Variants in TMTC2 observed in about 807,000 individuals in gnomAD.
TMTC2 encodes the protein transmembrane O-mannosyltransferase targeting cadherins 2, also known as protein O-mannosyl-transferase TMTC2.
In TMTC2, 43 loss-of-function variants were observed where a neutral mutation model predicts 82.4. The observed-to-expected ratio is 0.52, with a 90% CI of 0.41 to 0.67. The LOEUF (loss-of-function observed/expected upper bound fraction) is 0.67. Among genes scored for constraint, TMTC2 ranks in the 30% least tolerant of loss-of-function variants. TMTC2 has a pLI of 0.00. For missense variants in TMTC2, 919 were observed against 1,012.4 expected (o/e 0.91, Z 1.25); for synonymous variants, 408 against 381.9 (o/e 1.07, Z -0.80).
chr12:83,036,810 C>A (rs1881681530), intron 9 of TMTC2, among the ~76,000 whole-genome samples: 1 of 152,076 alleles, frequency 6.6e-6, no homozygotes, highest in Non-Finnish European at 1.5e-5. Context: ...AGGGCATTGC[C>A]TTTGCTTCTG....
intron 7 of TMTC2, among the ~76,000 whole-genome samples, chr12:82,972,518 C>T (rs375344797): frequency 3.0e-4 from 46 of 151,654 alleles, no homozygotes; most frequent in Non-Finnish European, 5.3e-4. Context: ...TCACAGAGAA[C>T]GAGGGAGAAA....
At chr12:83,080,269 G>C (rs1414052185) in intron 11 of TMTC2, among the ~76,000 whole-genome samples, 1 of 152,072 alleles carries the variant, frequency 6.6e-6, no homozygotes, top group African/African-American at 2.4e-5. Flanking sequence ...TTTTTACACA[G>C]TGATATATAA....
intron 9 of TMTC2, among the ~76,000 whole-genome samples, chr12:83,042,086 A>T (rs1338046649): frequency 6.6e-6 from 1 of 152,206 alleles, no homozygotes; most frequent in East Asian, 1.9e-4. Flanking sequence ...CCCTGCTATT[A>T]ACTATTCTGT....
At chr12:82,729,827 G>T (rs559473828) in intron 1 of TMTC2, among the ~76,000 whole-genome samples, 3 of 152,208 alleles carry the variant, frequency 2.0e-5, no homozygotes, top group African/African-American at 7.2e-5. Flanking sequence ...TCACTCTTTG[G>T]GTCCACACTG....
At chr12:83,089,370 A>G (rs188515550) in intron 11 of TMTC2, among the ~76,000 whole-genome samples, 186 of 152,346 alleles carry the variant, frequency 1.2e-3, no homozygotes, top group African/African-American at 4.4e-3. Context: ...AGAATTATTC[A>G]AGAAAACTGA....
At chr12:82,724,674 A>G (rs1874366274) in intron 1 of TMTC2, among the ~76,000 whole-genome samples, 1 of 152,192 alleles carries the variant, frequency 6.6e-6, no homozygotes, top group Admixed American at 6.5e-5. Flanking sequence ...AAAACGGACT[A>G]ATACAACTTG....
rs1045579628 is a variant in TMTC2 at position 82,990,652 on chromosome 12, T to C, written c.2070+4606T>C. Among the ~76,000 whole-genome samples the C allele has an allele frequency of 2.6e-5, 4 of 152,222 alleles. No homozygotes were observed. The South Asian group carries it at 8.3e-4, about 32-fold the overall frequency. Reference sequence around the variant, plus strand: ...AATGACACATACATATGTGTCTGTTTTTTGACACTAGATATGGGGCAGGGG... The same window carrying C: ...AATGACACATACATATGTGTCTGTTCTTTGACACTAGATATGGGGCAGGGG... On this transcript the variant is annotated intron_variant, in intron 8 of 11. Coordinates refer to ENST00000321196, the MANE Select transcript of TMTC2 (RefSeq NM_152588.3).
intron 1 of TMTC2, among the ~76,000 whole-genome samples, chr12:82,754,820 A>C (rs1876214199): frequency 6.6e-6 from 1 of 152,104 alleles, no homozygotes; most frequent in Non-Finnish European, 1.5e-5. Flanking sequence ...GTGGGTAAGC[A>C]CCCCTGAATT....
intron 9 of TMTC2, among the ~76,000 whole-genome samples, chr12:83,041,704 C>T (rs1356847735): frequency 6.6e-6 from 1 of 152,078 alleles, no homozygotes; most frequent in Non-Finnish European, 1.5e-5. Flanking sequence ...TTATAGGTAA[C>T]CTTACAAATA....
At chr12:82,895,480 G>A (rs1873613009) in intron 2 of TMTC2, among the ~76,000 whole-genome samples, 2 of 152,118 alleles carry the variant, frequency 1.3e-5, no homozygotes, top group Admixed American at 1.3e-4. Context: ...TGGTCCCCTT[G>A]TGACCCAACA....
In TMTC2 at chr12:82,965,148, T is replaced by A. The variant is rs1592661873; in HGVS notation, c.1684+39T>A. The A allele has an allele frequency of 2.7e-6, 4 of 1,478,132 alleles. No homozygotes were observed. The Middle Eastern group carries it at 5.2e-4, about 193-fold the overall frequency. The allele number at this position is 1,478,132 out of a possible 1,614,324, so 91.6% of individuals were successfully genotyped here. ...AAGTGTTTATTTTTTTATACCTCTT[T>A]CCATATTTGAAAATTAACTCTAATT... On this transcript the variant is annotated intron_variant, in intron 5 of 11. Coordinates refer to ENST00000321196, the MANE Select transcript of TMTC2 (RefSeq NM_152588.3).
chr12:82,952,850 G>T (rs1877419003), intron 4 of TMTC2, among the ~76,000 whole-genome samples: 1 of 152,206 alleles, frequency 6.6e-6, no homozygotes, highest in South Asian at 2.1e-4. Flanking sequence ...TGGGATTACA[G>T]CCATGAGCCA....
chr12:82,923,268 T>A (rs1440264170), intron 3 of TMTC2, among the ~76,000 whole-genome samples: 1 of 152,228 alleles, frequency 6.6e-6, no homozygotes, highest in African/African-American at 2.4e-5. Flanking sequence ...TTTAAATGCT[T>A]GGTATTTATT....
intron 11 of TMTC2, among the ~76,000 whole-genome samples, chr12:83,106,596 A>ACT (rs1884409413): frequency 6.6e-6 from 1 of 152,164 alleles, no homozygotes; most frequent in Non-Finnish European, 1.5e-5. Context: ...ACCATGAATT[A>ACT]CTGTTTGTCA....
At chr12:82,696,985 T>C (rs1872831117) in intron 1 of TMTC2, among the ~76,000 whole-genome samples, 1 of 150,900 alleles carries the variant, frequency 6.6e-6, no homozygotes, top group African/African-American at 2.4e-5. Context: ...TATATATATG[T>C]TTCTATTAAT....
intron 1 of TMTC2, among the ~76,000 whole-genome samples, chr12:82,714,616 G>T (rs4620789): frequency 0.83 from 125,764 of 152,088 alleles, 52,435 homozygotes; most frequent in Non-Finnish European, 0.88. Flanking sequence ...AGGATAATGT[G>T]CTAGATAGCT....
At position 83,007,947 on chromosome 12, in the gene TMTC2, C is replaced by G. The variant is rs1880279274; in HGVS notation, c.2070+21901C>G. Among the ~76,000 whole-genome samples, 3 of 152,222 alleles carry G rather than the reference C, an allele frequency of 2.0e-5. No homozygotes were observed. In the South Asian group the frequency reaches 6.2e-4, roughly 32 times the overall value. The stretch of plus-strand genomic sequence containing the variant: ...TCAGTGTTTTGAATATTTTACTCTA[C>G]TCTCTTCTTGCTTGATGGTTTTTGA... On this transcript the variant is annotated intron_variant, in intron 8 of 11. Coordinates refer to ENST00000321196, the MANE Select transcript of TMTC2 (RefSeq NM_152588.3).
chr12:82,976,048 C>T (rs1315632249), intron 7 of TMTC2, among the ~76,000 whole-genome samples: 1 of 152,178 alleles, frequency 6.6e-6, no homozygotes, highest in East Asian at 1.9e-4. Flanking sequence ...CTGTCCCCAA[C>T]ATACTCGTGA....
intron 11 of TMTC2, among the ~76,000 whole-genome samples, chr12:83,082,447 C>T (rs954447429): frequency 6.6e-6 from 1 of 152,188 alleles, no homozygotes; most frequent in Non-Finnish European, 1.5e-5. Context: ...AGTGCAAGTC[C>T]TTAAAGCCCA....
Sources: gnomAD v4.1 joint callset for allele counts (sites outside exome capture counted in the v4.1 genomes callset) on GRCh38, gnomAD v4.1.1 for gene constraint, MANE v1.5 for transcripts, NCBI Gene and HGNC (gene_info 2026-07-23, HGNC 2026-07-21) for gene names.